Variants in SUSD3 observed in about 807,000 individuals in gnomAD.
The protein encoded by SUSD3 is sushi domain-containing protein 3.
In SUSD3, 18 loss-of-function variants were observed where a neutral mutation model predicts 20.6. The observed-to-expected ratio is 0.87, with a 90% confidence interval of 0.60 to 1.30. SUSD3 has a LOEUF of 1.30. SUSD3 is among the 50% of genes most tolerant of loss of function. The pLI, the probability that SUSD3 is intolerant of heterozygous loss-of-function variation, is 0.00. For missense variants in SUSD3, 306 were observed against 346.9 expected (o/e 0.88, Z 0.94); for synonymous variants, 137 against 141.5 (o/e 0.97, Z 0.23).
intron 4 of SUSD3, among the ~76,000 whole-genome samples, chr9:93,082,357 G>A (rs1324252657): frequency 3.2e-5 from 4 of 124,904 alleles, no homozygotes; most frequent in African/African-American, 6.2e-5. Flanking sequence ...TTGCTCTGTC[G>A]TCCAGGCTGG....
intron 4 of SUSD3, among the ~76,000 whole-genome samples, chr9:93,082,854 C>T (rs1025742448): frequency 1.3e-5 from 2 of 152,226 alleles, no homozygotes; most frequent in African/African-American, 4.8e-5. Context: ...ATGGCAGCCA[C>T]AGCTGCTGCC....
At chr9:93,084,178 C>T (rs1458215869) in intron 4 of SUSD3, among the ~76,000 whole-genome samples, 1 of 152,120 alleles carries the variant, frequency 6.6e-6, no homozygotes, top group African/African-American at 2.4e-5. Flanking sequence ...CCCTTCTCTG[C>T]CTGGGACATC....
intron 1 of SUSD3, among the ~76,000 whole-genome samples, chr9:93,069,756 T>C (rs986943941): frequency 1.3e-5 from 2 of 152,086 alleles, no homozygotes; most frequent in African/African-American, 4.8e-5. Flanking sequence ...TGTCATCTAA[T>C]GGAGATTGTT....
chr9:93,077,937 C>T lies in SUSD3; in HGVS notation c.369C>T (p.Phe123=). ...CAIILLMSMA[F]LTCCLLKCVK... ...TCATCCTGCTCATGTCCATGGCCTT[C>T]CTCACCTGCTGCCTCCTCAAGTGCG... Residue 123 remains phenylalanine (F), a synonymous_variant, in exon 3 of 5, where the codon TTC becomes TTT. Transcript: ENST00000375472. 1 of 1,614,228 alleles carries T rather than the reference C, an allele frequency of 6.2e-7. No individual in the cohort carries two copies.
chr9:93,069,029 T>A (rs977873440), intron 1 of SUSD3: 19 of 683,760 alleles, frequency 2.8e-5, no homozygotes, highest in Non-Finnish European at 5.1e-5. Flanking sequence ...CTAAATATCT[T>A]AATAGACGGT....
chr9:93,065,540 A>G (rs558555113), intron 1 of SUSD3, among the ~76,000 whole-genome samples: 3 of 152,346 alleles, frequency 2.0e-5, no homozygotes, highest in Non-Finnish European at 2.9e-5. Context: ...GGAATGCAGA[A>G]GTCGCAGCTC....
intron 1 of SUSD3, 149 bp downstream of exon 1, chr9:93,058,979 G>A: frequency 2.2e-6 from 1 of 457,810 alleles, no homozygotes; most frequent in Non-Finnish European, 3.6e-6. Context: ...TCGACCCTCC[G>A]CCGGCCCAGC....
At chr9:93,083,625 C>G (rs1826516005) in intron 4 of SUSD3, among the ~76,000 whole-genome samples, 1 of 152,218 alleles carries the variant, frequency 6.6e-6, no homozygotes, top group Non-Finnish European at 1.5e-5. Context: ...GGTTAAGAAA[C>G]TTGTGTAGAC....
At chr9:93,077,556 A>G (rs757495324) in intron 2 of SUSD3, among the ~76,000 whole-genome samples, 27 of 151,800 alleles carry the variant, frequency 1.8e-4, no homozygotes, top group Non-Finnish European at 3.1e-4. Context: ...CTGCTTAAAT[A>G]CCCCCTTTAA....
At chr9:93,063,307 C>T (rs887390025) in intron 1 of SUSD3, among the ~76,000 whole-genome samples, 3 of 152,190 alleles carry the variant, frequency 2.0e-5, no homozygotes, top group Non-Finnish European at 4.4e-5. Context: ...GGGAGTGATC[C>T]TGTGCACCAG....
At chr9:93,079,321 C>G in intron 3 of SUSD3, 150 bp from the exon 4 acceptor site, 1 of 810,184 alleles carries the variant, frequency 1.2e-6, no homozygotes, top group Middle Eastern at 2.5e-4. Context: ...TCTCACCACA[C>G]CAAAAACATC....
At chr9:93,062,186 C>T (rs535434145) in intron 1 of SUSD3, among the ~76,000 whole-genome samples, 19 of 152,294 alleles carry the variant, frequency 1.2e-4, no homozygotes, top group Non-Finnish European at 2.1e-4. Context: ...GAGGCGCAGG[C>T]GCGGCATGTG....
At chr9:93,060,436 C>T (rs1384082793) in intron 1 of SUSD3, among the ~76,000 whole-genome samples, 1 of 152,156 alleles carries the variant, frequency 6.6e-6, no homozygotes, top group Non-Finnish European at 1.5e-5. Context: ...ATCATCTGGA[C>T]TCCATCACTC....
intron 1 of SUSD3, among the ~76,000 whole-genome samples, chr9:93,064,859 C>T (rs1231405172): frequency 2.0e-5 from 3 of 152,324 alleles, no homozygotes; most frequent in South Asian, 2.1e-4. Flanking sequence ...TCTGGAAAGG[C>T]CGGGCCTACC....
intron 1 of SUSD3, among the ~76,000 whole-genome samples, chr9:93,059,780 C>T (rs559025379): frequency 1.3e-5 from 2 of 152,226 alleles, no homozygotes; most frequent in Non-Finnish European, 1.5e-5. Context: ...ATGGCTTCCT[C>T]TCACAGTTGG....
intron 1 of SUSD3, among the ~76,000 whole-genome samples, chr9:93,066,397 C>A (rs1825713402): frequency 6.6e-6 from 1 of 152,100 alleles, no homozygotes; most frequent in African/African-American, 2.4e-5. Context: ...CCACGCCCAG[C>A]TAATTTTTGT....
chr9:93,079,531 C>T lies in SUSD3; in HGVS notation c.486C>T (p.Tyr162=), dbSNP rs754591341. The part of the protein sequence containing the change: ...DEDLETVQAA[Y]LGLKHFNKPV... The stretch of plus-strand genomic sequence containing the variant: ...ACTTGGAGACGGTGCAGGCCGCATA[C>T]CTTGGCCTCAAGCACTTCAACAAAC... Residue 162 remains tyrosine, a synonymous_variant, in exon 4 of 5, where the codon TAC becomes TAT. Transcript: ENST00000375472. 1 of 1,614,164 alleles carries T rather than the reference C, an allele frequency of 6.2e-7. No homozygotes were observed. The highest frequency in any genetic ancestry group is 8.5e-7 in the Non-Finnish European group (1 of 1,180,000).
chr9:93,069,015 C>A, intron 1 of SUSD3: 1 of 643,302 alleles, frequency 1.6e-6, no homozygotes, highest in Non-Finnish European at 2.9e-6. Flanking sequence ...TGGTCTCTCT[C>A]TCTCTAAATA....
chr9:93,073,099 A>G (rs924963175), intron 1 of SUSD3, among the ~76,000 whole-genome samples: 1 of 152,068 alleles, frequency 6.6e-6, no homozygotes, highest in African/African-American at 2.4e-5. Flanking sequence ...TGTCCCTGCC[A>G]TCACCCCCAT....
Sources: gnomAD v4.1 joint callset for allele counts (sites outside exome capture counted in the v4.1 genomes callset) on GRCh38, gnomAD v4.1.1 for gene constraint, MANE v1.5 for transcripts, NCBI Gene and HGNC (gene_info 2026-07-23, HGNC 2026-07-21) for gene names.